Variants in AGBL5 observed in about 807,000 individuals in gnomAD.
The protein encoded by AGBL5 is AGBL carboxypeptidase 5.
AGBL5 carries 51 observed loss-of-function variants against 88.0 expected under a neutral mutation model. The observed-to-expected ratio is 0.58, with a 90% CI of 0.46 to 0.73. The LOEUF (loss-of-function observed/expected upper bound fraction) is 0.73. Ranked by LOEUF, AGBL5 falls within the 30% of genes least tolerant of loss-of-function variation. The pLI, the probability that AGBL5 is intolerant of heterozygous loss-of-function variation, is 0.00. For synonymous variants in AGBL5, 446 were observed against 438.8 expected (o/e 1.02, Z -0.21); for missense variants, 1,031 against 1,162.2 (o/e 0.89, Z 1.64).
chr2:27,070,026 T>G (rs1290362528), intron 14 of AGBL5, 66 bp from the exon 15 acceptor site: 8 of 1,553,218 alleles, frequency 5.2e-6, no homozygotes, highest in Non-Finnish European at 5.2e-6. Context: ...TCCCAGCCCC[T>G]GGTTAGCAGA....
chr2:27,055,879 A>G lies in AGBL5; in HGVS notation c.1106A>G (p.Asn369Ser), dbSNP rs766582593. 1.2e-6 allele frequency: 2 copies of G among 1,614,186 alleles called. No individual in the cohort carries two copies. Among genetic ancestry groups the G allele is most frequent in the Non-Finnish European group, 1.7e-6 (2 of 1,180,030 alleles). Residue 369 changes from asparagine to serine, a missense_variant, in exon 7 of 15, where the codon AAC becomes AGC. Transcript: ENST00000360131. ...CCTGTTTCTGACCTGGAGAAAGCCA[A>G]CAATCTCCAAAATGAAGCTCAGTGT... ...DAPVSDLEKA[N>S]NLQNEAQCGH...
chr2:27,055,275 TCTGGA>T, intron 6 of AGBL5, 22 bp downstream of exon 6: 1 of 1,608,380 alleles, frequency 6.2e-7, no homozygotes, highest in Non-Finnish European at 8.5e-7. Context: ...CCCCAGCCTG[TCTGGA>T]CTGTTCCCAT....
In AGBL5 at chr2:27,054,770, C is replaced by T; in HGVS notation, c.692C>T (p.Thr231Ile). 2 of 1,613,592 alleles carry T rather than the reference C, an allele frequency of 1.2e-6. No individual in the cohort carries two copies. Among genetic ancestry groups the T allele is most frequent in the Non-Finnish European group, 1.7e-6 (2 of 1,180,034 alleles). Reference sequence around the variant, plus strand: ...CGTCTAGAGCAGCTATTTCCTGATACCAGCACCCCTCGACCATTCCGTTTC... The same window carrying T: ...CGTCTAGAGCAGCTATTTCCTGATATCAGCACCCCTCGACCATTCCGTTTC... ...EPRLEQLFPD[T>I]STPRPFRFAG... Residue 231 changes from threonine to isoleucine, a missense_variant, in exon 5 of 15, where the codon ACC (threonine) becomes ATC (isoleucine). By Grantham distance (89) the Thr-to-Ile change is moderately conservative. This residue lies in a region of AGBL5 where 540 missense variants were observed against 678.2 expected (regional missense o/e 0.80). Transcript: ENST00000360131.
intron 11 of AGBL5, 67 bp from the exon 12 acceptor site, chr2:27,067,427 C>G: frequency 6.5e-7 from 1 of 1,528,592 alleles, no homozygotes; most frequent in Non-Finnish European, 8.9e-7. Context: ...GCCAGCAGGT[C>G]AGTGAAGGCT....
intron 11 of AGBL5, among the ~76,000 whole-genome samples, chr2:27,067,036 T>A (rs556133944): frequency 6.6e-6 from 1 of 151,298 alleles, no homozygotes; most frequent in Admixed American, 6.6e-5. Flanking sequence ...TGAACCAAGA[T>A]CGCACCACCA....
rs747172298 is a variant in AGBL5 at position 27,054,029 on chromosome 2, G to A, written c.521G>A (p.Arg174His). 5.6e-6 allele frequency: 9 copies of A among 1,613,700 alleles called. No homozygotes were observed. Among genetic ancestry groups the A allele is most frequent in the South Asian group, 1.1e-5 (1 of 91,036 alleles). ...GAACTGCTAAACCAGCTAGACCAGCGCTTTCCGGAGAACCACCCTACCCAT... is the reference window on the plus strand; with the variant it reads ...GAACTGCTAAACCAGCTAGACCAGCACTTTCCGGAGAACCACCCTACCCAT... ...CQELLNQLDQ[R>H]FPENHPTHSS... The change falls in exon 4 of 15, where the codon CGC (arginine) becomes CAC (histidine). Residue 174 changes from arginine to histidine, a missense_variant. Physicochemically the swap from Arg to His is conservative, Grantham distance 29. This residue lies in a region of AGBL5 where 540 missense variants were observed against 678.2 expected (regional missense o/e 0.80). Coordinates refer to ENST00000360131, the MANE Select transcript of AGBL5 (RefSeq NM_021831.6).
rs763335591 is a variant in AGBL5, at chr2:27,053,378, C to CCT, written c.216-17_216-16dup. On this transcript the variant is annotated intron_variant, in intron 2 of 14. Transcript: ENST00000360131. This position sits in a 1 kb window ranked among gnomAD's most constrained non-coding sequence, Gnocchi z 4.9. The stretch of plus-strand genomic sequence containing the variant: ...TCTCCAACCCTTCCACACGTAATGA[C>CCT]CTCTCTCTTACTCTGGTCCTCAGGT... The CCT allele has an allele frequency of 1.9e-6, 3 of 1,611,060 alleles. No homozygotes were observed. Among genetic ancestry groups the CCT allele is most frequent in the Non-Finnish European group, 1.7e-6 (2 of 1,178,304 alleles).
intron 11 of AGBL5, among the ~76,000 whole-genome samples, chr2:27,061,386 G>A (rs1025928682): frequency 1.3e-5 from 2 of 152,056 alleles, no homozygotes; most frequent in African/African-American, 2.4e-5. Context: ...ACAGGCAAAC[G>A]CCACCACGTC....
At chr2:27,059,121 C>G (rs1470639242) in intron 10 of AGBL5, 69 bp from the exon 11 acceptor site, 3 of 1,457,440 alleles carry the variant, frequency 2.1e-6, no homozygotes, top group South Asian at 2.5e-5. Context: ...TACTGAGCAG[C>G]AGATCCTAGG....
chr2:27,070,135 T>C lies in AGBL5; in HGVS notation c.2533T>C (p.Phe845Leu), dbSNP rs1258445504. Residue 845 changes from phenylalanine to leucine, a missense_variant, in exon 15 of 15, where the codon TTT becomes CTT. Phe to Leu is a conservative substitution (Grantham distance 22). Transcript: ENST00000360131. Reference protein sequence around the residue: ...RPPRPRSAPAFSPISCSLSDS... With the variant: ...RPPRPRSAPALSPISCSLSDS... ...CCCACGGCCCCGCTCTGCCCCTGCC[T>C]TTTCTCCTATATCCTGTAGTCTATC... The C allele has an allele frequency of 1.2e-6, 2 of 1,614,014 alleles. No individual in the cohort carries two copies. Among genetic ancestry groups the C allele is most frequent in the Non-Finnish European group, 1.7e-6 (2 of 1,179,988 alleles).
upstream of AGBL5, chr2:27,051,296 T>A (rs768511540): frequency 5.3e-5 from 8 of 152,236 alleles, no homozygotes; most frequent in Non-Finnish European, 1.0e-4. Flanking sequence ...ACTCAGCTTT[T>A]GCGTCCGTCA....
upstream of AGBL5, among the ~76,000 whole-genome samples, chr2:27,050,476 G>A (rs1465269228): frequency 6.6e-6 from 1 of 152,246 alleles, no homozygotes; most frequent in Non-Finnish European, 1.5e-5. Flanking sequence ...GCGCTGCCCC[G>A]GAGCTCCAGG....
At chr2:27,052,779 TTTTC>T in intron 1 of AGBL5, 130 bp from the exon 2 acceptor site, 1 of 504,864 alleles carries the variant, frequency 2.0e-6, no homozygotes. Flanking sequence ...CACTTCTATG[TTTTC>T]TAAGAGGGAG....
upstream of AGBL5, chr2:27,050,957 C>G (rs1037047558): frequency 6.6e-6 from 1 of 152,278 alleles, no homozygotes; most frequent in African/African-American, 2.4e-5. Flanking sequence ...AGCATTCGTA[C>G]TGCCGTCAGT....
At chr2:27,062,597 GAAACTTAAT>G (rs1668767806) in intron 11 of AGBL5, 1 of 152,178 alleles carries the variant, frequency 6.6e-6, no homozygotes, top group African/African-American at 2.4e-5. Flanking sequence ...TGATTGACTT[GAAACTTAAT>G]AGGGGAAACA....
chr2:27,063,206 T>C (rs1301813053), intron 11 of AGBL5, among the ~76,000 whole-genome samples: 1 of 152,232 alleles, frequency 6.6e-6, no homozygotes, highest in Admixed American at 6.5e-5. Context: ...CATCTACTTA[T>C]GCCCTTAGCA....
At chr2:27,068,488 C>A in intron 12 of AGBL5, 144 bp from the exon 13 acceptor site, 1 of 651,832 alleles carries the variant, frequency 1.5e-6, no homozygotes, top group Non-Finnish European at 2.6e-6. Flanking sequence ...GCGAAACATC[C>A]TACAATGCAC....
At chr2:27,068,852 C>A in intron 13 of AGBL5, 108 bp downstream of exon 13, 1 of 1,526,994 alleles carries the variant, frequency 6.5e-7, no homozygotes, top group Non-Finnish European at 8.8e-7. Flanking sequence ...CTGCATCTAC[C>A]CTTGGCCACA....
chr2:27,055,161 T>C lies in AGBL5; in HGVS notation c.816T>C (p.Pro272=). The C allele has an allele frequency of 6.2e-7, 1 of 1,614,246 alleles. No individual in the cohort carries two copies. Among genetic ancestry groups the C allele is most frequent in the Non-Finnish European group, 8.5e-7 (1 of 1,180,036 alleles). ...FNGFLDFILR[P]DDPRAQTLRR... ...GCTTTCTGGACTTCATCCTCCGACC[T>C]GATGATCCCCGGGCCCAAACCCTCC... The change falls in exon 6 of 15, where the codon CCT becomes CCC. Residue 272 remains proline (P), a synonymous_variant. Transcript: ENST00000360131.
Sources: allele counts gnomAD v4.1 joint callset (sites outside exome capture counted in the v4.1 genomes callset), GRCh38; gene constraint gnomAD v4.1.1; regional missense constraint gnomAD v4.1.1; non-coding constraint Gnocchi (gnomAD v3.1); transcripts MANE v1.5; gene names NCBI Gene and HGNC (gene_info 2026-07-23, HGNC 2026-07-21).